CAMK1D: variants seen among roughly 807,000 people sequenced by gnomAD.
CAMK1D encodes the protein calcium/calmodulin-dependent protein kinase type 1D.
Under a neutral mutation model 47.7 loss-of-function variants are expected in CAMK1D, and 9 were observed. The ratio of observed to expected loss-of-function variants is 0.19; its 90% CI spans 0.11 to 0.33. The LOEUF is 0.33. Among genes scored for constraint, CAMK1D ranks in the 10% least tolerant of loss-of-function variants. CAMK1D has a pLI of 1.00. For missense variants in CAMK1D, 291 were observed against 488.7 expected, an observed-to-expected ratio of 0.60 and a Z score of 3.81; for synonymous variants, 184 against 184.9, an observed-to-expected ratio of 0.99 and a Z score of 0.04.
At position 12,478,972 on chromosome 10, in the gene CAMK1D, T is replaced by A. The variant is rs77813607; in HGVS notation, c.93-74253T>A. Among the ~76,000 whole-genome samples the A allele has an allele frequency of 2.1e-3, 318 of 152,330 alleles. 12 individuals are homozygous for A. In the East Asian group the frequency reaches 0.055, roughly 27 times the overall value. ...GTGTTTGACGTATTTTCTCCTTTAA[T>A]TCTTACAATAGCCTTATGAGGTGCG... On this transcript the variant is annotated intron_variant, in intron 1 of 10. Transcript: ENST00000619168.
At chr10:12,402,997 A>C (rs1471459978) in intron 1 of CAMK1D, among the ~76,000 whole-genome samples, 1 of 152,072 alleles carries the variant, frequency 6.6e-6, no homozygotes, top group East Asian at 1.9e-4. Context: ...CCAGGATTAT[A>C]ACCTGCAAGC....
At chr10:12,611,594 T>TG (rs1838624688) in intron 2 of CAMK1D, among the ~76,000 whole-genome samples, 1 of 98,346 alleles carries the variant, frequency 1.0e-5, no homozygotes, top group Admixed American at 1.1e-4. Flanking sequence ...ATGCCTTTTT[T>TG]TTTTTTTTTT....
chr10:12,692,478 C>G (rs1832966114), intron 3 of CAMK1D, among the ~76,000 whole-genome samples: 1 of 152,050 alleles, frequency 6.6e-6, no homozygotes, highest in East Asian at 1.9e-4. Context: ...TAAGATTTAA[C>G]TATAAAATAA....
rs186027125 is a variant in CAMK1D at position 12,619,770 on chromosome 10, C to A, written c.225-46966C>A. 2.0e-4 allele frequency among the ~76,000 whole-genome samples: 31 copies of A among 152,126 alleles called. No homozygotes were observed. In the East Asian group the frequency reaches 5.6e-3, roughly 28 times the overall value. Reference sequence around the variant, plus strand: ...TACAGTATTACAACCAGGATATTGACATTGATACAAGCAGGATACAAAAGC... The same window carrying A: ...TACAGTATTACAACCAGGATATTGAAATTGATACAAGCAGGATACAAAAGC... On this transcript the variant is annotated intron_variant, in intron 2 of 10. Transcript: ENST00000619168.
intron 2 of CAMK1D, among the ~76,000 whole-genome samples, chr10:12,594,999 G>A (rs554399231): frequency 1.8e-4 from 28 of 152,212 alleles, no homozygotes; most frequent in South Asian, 1.0e-3. Context: ...AATGAAAGGC[G>A]GGGAAGGAGA....
At chr10:12,450,329 G>A (rs999121553) in intron 1 of CAMK1D, among the ~76,000 whole-genome samples, 4 of 152,128 alleles carry the variant, frequency 2.6e-5, no homozygotes, top group African/African-American at 9.7e-5. Context: ...CTCTTCGTGT[G>A]GGGAATGAGG....
intron 6 of CAMK1D, among the ~76,000 whole-genome samples, chr10:12,800,045 A>T (rs1209132414): frequency 6.6e-6 from 1 of 152,106 alleles, no homozygotes; most frequent in Non-Finnish European, 1.5e-5. Context: ...GCAGGCATTT[A>T]TCCCCCTTGC....
intron 1 of CAMK1D, among the ~76,000 whole-genome samples, chr10:12,429,435 G>T (rs546257213): frequency 4.6e-4 from 70 of 152,170 alleles, no homozygotes; most frequent in African/African-American, 1.6e-3. Flanking sequence ...TGCCTCCAAG[G>T]CTCAAGCAAT....
intron 2 of CAMK1D, among the ~76,000 whole-genome samples, chr10:12,585,519 G>A (rs1837790605): frequency 6.6e-6 from 1 of 152,194 alleles, no homozygotes. Context: ...AGAAAAAGAG[G>A]TTTAATAGAC....
At chr10:12,379,043 C>T (rs1306777336) in intron 1 of CAMK1D, among the ~76,000 whole-genome samples, 1 of 152,136 alleles carries the variant, frequency 6.6e-6, no homozygotes, top group Non-Finnish European at 1.5e-5. Context: ...CTCCTGATCT[C>T]AGGTGATCTG....
chr10:12,441,234 G>A (rs2132012494), intron 1 of CAMK1D, among the ~76,000 whole-genome samples: 1 of 152,270 alleles, frequency 6.6e-6, no homozygotes, highest in Non-Finnish European at 1.5e-5. Context: ...CTCACAATCT[G>A]TCACCGGGGC....
chr10:12,560,821 T>C (rs142121315), intron 2 of CAMK1D, among the ~76,000 whole-genome samples: 30 of 152,180 alleles, frequency 2.0e-4, no homozygotes, highest in African/African-American at 7.0e-4. Context: ...GCCTTACTTA[T>C]GATGACACAT....
chr10:12,355,681 G>A (rs1249908126), intron 1 of CAMK1D, among the ~76,000 whole-genome samples: 1 of 152,214 alleles, frequency 6.6e-6, no homozygotes, highest in Admixed American at 6.5e-5. Flanking sequence ...GGGTATCCCC[G>A]CTGCAGTCTT....
chr10:12,743,093 A>G (rs1835503441), intron 3 of CAMK1D, among the ~76,000 whole-genome samples: 2 of 152,246 alleles, frequency 1.3e-5, no homozygotes, highest in Admixed American at 6.5e-5. Context: ...CTGTAATCCC[A>G]GCACTTTGCG....
intron 1 of CAMK1D, among the ~76,000 whole-genome samples, chr10:12,389,864 C>A (rs1432733052): frequency 6.6e-6 from 1 of 151,508 alleles, no homozygotes; most frequent in Admixed American, 6.6e-5. Context: ...CTTCTGTCTG[C>A]ATTTAGGTCA....
intron 3 of CAMK1D, among the ~76,000 whole-genome samples, chr10:12,732,757 A>C (rs1834953274): frequency 6.7e-6 from 1 of 149,864 alleles, no homozygotes; most frequent in Non-Finnish European, 1.5e-5. Context: ...ACACAGCCAA[A>C]CCCTATCAAT....
At chr10:12,564,112 T>C (rs1366043879) in intron 2 of CAMK1D, among the ~76,000 whole-genome samples, 1 of 148,056 alleles carries the variant, frequency 6.8e-6, no homozygotes, top group African/African-American at 2.5e-5. Flanking sequence ...GATCTGTCTG[T>C]CTAGATGTCT....
At chr10:12,615,286 G>A (rs1838747629) in intron 2 of CAMK1D, among the ~76,000 whole-genome samples, 1 of 152,188 alleles carries the variant, frequency 6.6e-6, no homozygotes, top group Non-Finnish European at 1.5e-5. Flanking sequence ...TTTGACCCTC[G>A]ATTAAGATTT....
chr10:12,641,815 C>T (rs777220087), intron 2 of CAMK1D, among the ~76,000 whole-genome samples: 11 of 151,872 alleles, frequency 7.2e-5, no homozygotes, highest in Admixed American at 4.6e-4. Context: ...GAGGCCAAGG[C>T]GGGCAGATCA....
Sources: allele counts gnomAD v4.1 joint callset (sites outside exome capture counted in the v4.1 genomes callset), GRCh38; gene constraint gnomAD v4.1.1; transcripts MANE v1.5; gene names NCBI Gene and HGNC (gene_info 2026-07-23, HGNC 2026-07-21).